ANO7: variants seen among roughly 807,000 people sequenced by gnomAD.
ANO7 encodes the protein anoctamin 7.
A neutral mutation model predicts 115.8 loss-of-function variants in ANO7; 114 were observed. The observed-to-expected ratio is 0.98, with a 90% confidence interval of 0.85 to 1.15. ANO7 has a LOEUF of 1.15. ANO7 is among the 50% of genes most tolerant of loss of function. The probability of loss-of-function intolerance (pLI) is 0.00; values close to 1 mark genes in which losing one functional copy is unlikely to be tolerated. For synonymous variants in ANO7, 550 were observed against 498.2 expected, an observed-to-expected ratio of 1.10 and a Z score of -1.38; for missense variants, 1,302 against 1,201.2, an observed-to-expected ratio of 1.08 and a Z score of -1.24.
the ANO7 span, chr2:241,236,338 A>C: frequency 2.2e-6 from 1 of 455,156 alleles, no homozygotes; most frequent in Non-Finnish European, 4.0e-6. Flanking sequence ...ACCCTTCCAC[A>C]GCCCCCGCAC....
the ANO7 span, chr2:241,235,735 A>G: frequency 3.3e-6 from 2 of 614,500 alleles, no homozygotes; most frequent in Non-Finnish European, 5.9e-6. Flanking sequence ...TGCCACCAGG[A>G]CCTTTAACTC....
rs995438709 is a variant in ANO7, at chr2:241,225,528, A to AAC, written c.*1387_*1388dup. ...CGACAGAGCAAGACTCCGTCTCGGG[A>AAC]ACACACACACACAAAAAGAATATGT... is the stretch of plus-strand genomic sequence containing the variant. On this transcript the variant is annotated 3_prime_UTR_variant, in exon 25 of 25. Transcript: ENST00000674324. Among the ~76,000 whole-genome samples, 34 of 152,004 alleles carry AAC rather than the reference A, an allele frequency of 2.2e-4. No homozygotes were observed. The highest frequency in any genetic ancestry group is 3.8e-4 in the Non-Finnish European group (26 of 67,970).
chr2:241,229,371 C>CA, downstream of ANO7: 4 of 473,082 alleles, frequency 8.5e-6, no homozygotes, highest in Non-Finnish European at 1.6e-5. Flanking sequence ...CACGAATGCT[C>CA]ATGACCTTGG....
chr2:241,230,715 C>G (rs936052438), downstream of ANO7: 2 of 1,561,458 alleles, frequency 1.3e-6, no homozygotes, highest in Non-Finnish European at 1.8e-6. This position sits in a 1 kb window ranked among gnomAD's most constrained non-coding sequence, Gnocchi z 5.0. Flanking sequence ...CAGGTGCCCC[C>G]GGTGAGAGAG....
At chr2:241,239,524 G>A in the ANO7 span, 28 of 1,176,282 alleles carry the variant, frequency 2.4e-5, no homozygotes, top group Admixed American at 4.9e-4. This position sits in a 1 kb window ranked among gnomAD's most constrained non-coding sequence, Gnocchi z 4.6. Context: ...CCTACAGGGT[G>A]GAGCGAACAC....
chr2:241,206,791 GAC>G (rs199708624), intron 10 of ANO7, among the ~76,000 whole-genome samples: 1 of 28,700 alleles, frequency 3.5e-5, no homozygotes, highest in Non-Finnish European at 6.3e-5. Context: ...CTCCCAGGCT[GAC>G]ACAGGTGGAC....
intron 21 of ANO7, among the ~76,000 whole-genome samples, chr2:241,220,894 T>G (rs2068995669): frequency 7.5e-6 from 1 of 133,596 alleles, no homozygotes; most frequent in Admixed American, 7.4e-5. Context: ...TCATTTCAAC[T>G]CGGGAGGCGG....
Position 241,216,099 on chromosome 2 carries a change from A to C in ANO7, c.1833A>C (p.Leu611=). 6.2e-7 allele frequency: 1 copy of C among 1,606,564 alleles called. No homozygotes were observed. Among genetic ancestry groups the C allele is most frequent in the Non-Finnish European group, 8.5e-7 (1 of 1,177,690 alleles). Residue 611 remains leucine, a synonymous_variant, in exon 19 of 25, where the codon CTA becomes CTC. Transcript: ENST00000674324. ...NNMQEVLIPK[L]KGWWQKFRLR... is the part of the protein sequence containing the mutation. ...CCTGTATTCCCGTCCCCAGGAAGCT[A>C]AAGGGCTGGTGGCAGAAGTTCCGGC...
At position 241,224,122 on chromosome 2, in the gene ANO7, C is replaced by A. The variant is rs370010636; in HGVS notation, c.2609C>A (p.Thr870Lys). 1 of 1,614,130 alleles carries A rather than the reference C, an allele frequency of 6.2e-7. No individual in the cohort carries two copies. The change falls in exon 25 of 25, where the codon ACG becomes AAG. Residue 870 changes from threonine to lysine, a missense_variant. By Grantham distance (78) the Thr-to-Lys change is moderately conservative. Coordinates refer to ENST00000674324, the MANE Select transcript of ANO7 (RefSeq NM_001370694.2). ...SELSSHWTPFTVPKASQLQQ is the reference protein window; with the variant it reads ...SELSSHWTPFKVPKASQLQQ ...CTCAGCTCCCACTGGACACCCTTCA[C>A]GGTTCCCAAGGCCAGCCAGCTGCAG...
rs1418500700 is a variant in ANO7, at chr2:241,223,686, C to T, written c.2437C>T (p.Leu813Phe). ...FEHVVFSVGR[L>F]LDLLVPDIPE... ...GCATGTGGTTTTCTCCGTTGGCCGC[C>T]TCCTGGACCTCCTGGTGCCTGACAT... Residue 813 changes from leucine to phenylalanine, a missense_variant, in exon 23 of 25, where the codon CTC becomes TTC. By Grantham distance (22) the Leu-to-Phe change is conservative (BLOSUM62 0). Coordinates refer to ENST00000674324, the MANE Select transcript of ANO7 (RefSeq NM_001370694.2). 6.2e-7 allele frequency: 1 copy of T among 1,613,636 alleles called. No homozygotes were observed. The highest frequency in any genetic ancestry group is 1.3e-5 in the African/African-American group (1 of 74,920).
At chr2:241,200,983 C>T (rs1034224754) in intron 6 of ANO7, among the ~76,000 whole-genome samples, 1 of 152,250 alleles carries the variant, frequency 6.6e-6, no homozygotes, top group African/African-American at 2.4e-5. Flanking sequence ...ACCGCCCTGC[C>T]CTGTGCCCAA....
At chr2:241,232,087 G>A in the ANO7 span, among the ~76,000 whole-genome samples, 1 of 152,148 alleles carries the variant, frequency 6.6e-6, no homozygotes, top group African/African-American at 2.4e-5. Flanking sequence ...CAGAGTGGGA[G>A]GCAGCAGCCC....
At chr2:241,239,882 G>A in the ANO7 span, 16 of 1,612,570 alleles carry the variant, frequency 9.9e-6, no homozygotes, top group African/African-American at 9.3e-5. The surrounding 1 kb of genome is among the most constrained non-coding windows in gnomAD (Gnocchi z 4.6). Context: ...AGAGTCGGCC[G>A]CCGAGGCCCG....
At chr2:241,199,862 C>T (rs1366242239) in intron 5 of ANO7, among the ~76,000 whole-genome samples, 3 of 152,194 alleles carry the variant, frequency 2.0e-5, no homozygotes, top group African/African-American at 4.8e-5. Flanking sequence ...CCCTTTTCCA[C>T]TTGAGGGTCT....
At chr2:241,240,251 C>G in the ANO7 span, 1 of 831,892 alleles carries the variant, frequency 1.2e-6, no homozygotes, top group South Asian at 1.4e-5. This position sits in a 1 kb window ranked among gnomAD's most constrained non-coding sequence, Gnocchi z 5.5. Context: ...TGATGTTGCA[C>G]CAATACCCCC....
chr2:241,189,240 G>A (rs1048010010), intron 1 of ANO7, among the ~76,000 whole-genome samples: 4 of 152,236 alleles, frequency 2.6e-5, no homozygotes, highest in South Asian at 2.1e-4. Flanking sequence ...TTCAGGGTTA[G>A]GCAGGTGCAG....
intron 19 of ANO7, among the ~76,000 whole-genome samples, chr2:241,216,660 T>C (rs1559454499): frequency 1.3e-5 from 2 of 152,236 alleles, no homozygotes; most frequent in Non-Finnish European, 2.9e-5. Flanking sequence ...CCACGCTATT[T>C]GCAGACCTAC....
At chr2:241,235,309 G>A in the ANO7 span, 1 of 1,612,188 alleles carries the variant, frequency 6.2e-7, no homozygotes, top group Non-Finnish European at 8.5e-7. Context: ...ACAGGAAAGA[G>A]TCCATTGGCC....
chr2:241,214,663 C>T (rs2068783945), intron 17 of ANO7, 142 bp from the exon 18 acceptor site: 1 of 672,658 alleles, frequency 1.5e-6, no homozygotes, highest in South Asian at 1.8e-5. Flanking sequence ...ATGGTGGGAG[C>T]ATCTCTGCAA....
Sources: allele counts gnomAD v4.1 joint callset (sites outside exome capture counted in the v4.1 genomes callset), GRCh38; gene constraint gnomAD v4.1.1; non-coding constraint Gnocchi (gnomAD v3.1); transcripts MANE v1.5; gene names NCBI Gene and HGNC (gene_info 2026-07-23, HGNC 2026-07-21).